Variants in LINC00632 observed in about 807,000 individuals in gnomAD.
LINC00632 encodes the protein long independently transcribed non-coding RNA 632.
chrX:140,710,144 G>C (rs1930484861), intron 1 of LINC00632, among the ~76,000 whole-genome samples: 1 of 112,298 alleles, frequency 8.9e-6, no homozygotes, highest in Admixed American at 9.5e-5. Flanking sequence ...ATTTGTATTT[G>C]ACGTGATGAA....
chrX:140,751,567 T>A (rs1486835621), intron 3 of LINC00632, among the ~76,000 whole-genome samples: 3 of 111,517 alleles, frequency 2.7e-5, no homozygotes, highest in Non-Finnish European at 5.6e-5. Flanking sequence ...CATGGCTGGA[T>A]CAACAATCTG....
exon 5 of LINC00632, among the ~76,000 whole-genome samples, chrX:140,779,236 T>C (rs1210840900): frequency 9.2e-6 from 1 of 108,437 alleles, no homozygotes; most frequent in Non-Finnish European, 1.9e-5. Context: ...ATAGACATGT[T>C]TAACCACTGT....
At chrX:140,768,970 AGAAAG>A (rs140048691) in intron 3 of LINC00632, among the ~76,000 whole-genome samples, 1,866 of 108,494 alleles carry the variant, frequency 0.017, 21 homozygotes, top group Admixed American at 0.044. Context: ...TTCCATAGAT[AGAAAG>A]GAAAGAGGGA....
chrX:140,753,347 T>C (rs895543931), intron 3 of LINC00632, among the ~76,000 whole-genome samples: 1 of 112,168 alleles, frequency 8.9e-6, no homozygotes, highest in African/African-American at 3.2e-5. Context: ...ACTTTCAGCT[T>C]TGAGTGTTTG....
At chrX:140,722,621 A>G (rs2148379110) in intron 2 of LINC00632, among the ~76,000 whole-genome samples, 1 of 110,949 alleles carries the variant, frequency 9.0e-6, no homozygotes, top group East Asian at 2.8e-4. Context: ...ACCCCATGAA[A>G]CCCATGATAG....
At chrX:140,775,521 G>A (rs995335406) in exon 5 of LINC00632, among the ~76,000 whole-genome samples, 1 of 111,954 alleles carries the variant, frequency 8.9e-6, no homozygotes, top group African/African-American at 3.3e-5. Flanking sequence ...AGTTATTCTG[G>A]GGAATAGAGA....
exon 4 of LINC00632, chrX:140,772,359 G>A (rs1931813133): frequency 3.4e-6 from 1 of 293,743 alleles, no homozygotes; most frequent in South Asian, 2.1e-4. Context: ...ACAAAAACTG[G>A]TTAGCCTTTT....
chrX:140,776,819 C>G (rs1219666779), exon 5 of LINC00632, among the ~76,000 whole-genome samples: 2 of 111,269 alleles, frequency 1.8e-5, no homozygotes, highest in African/African-American at 6.5e-5. Flanking sequence ...ATAGATTATT[C>G]TATTATAAAG....
chrX:140,771,192 T>C (rs1171724167), intron 3 of LINC00632, among the ~76,000 whole-genome samples: 1 of 110,951 alleles, frequency 9.0e-6, no homozygotes, highest in African/African-American at 3.3e-5. Flanking sequence ...ATTTGTATTA[T>C]CTTATTGGGG....
At chrX:140,791,077 T>C (rs1485400800) in exon 5 of LINC00632, among the ~76,000 whole-genome samples, 1 of 111,731 alleles carries the variant, frequency 9.0e-6, no homozygotes, top group Non-Finnish European at 1.9e-5. Flanking sequence ...CAACCTTCTG[T>C]TTTTGGCTCT....
At chrX:140,770,847 T>C (rs768853966) in intron 3 of LINC00632, among the ~76,000 whole-genome samples, 6 of 112,285 alleles carry the variant, frequency 5.3e-5, no homozygotes, top group South Asian at 3.7e-4. Flanking sequence ...AGTCGTAGTA[T>C]GGATTGGTAG....
chrX:140,744,665 G>A (rs1197200677), intron 3 of LINC00632, among the ~76,000 whole-genome samples: 1 of 107,711 alleles, frequency 9.3e-6, no homozygotes, highest in East Asian at 3.0e-4. Context: ...TGCCTCCCAG[G>A]TGCAAGCGAT....
chrX:140,788,939 T>C (rs1043036949), exon 5 of LINC00632, among the ~76,000 whole-genome samples: 1 of 103,915 alleles, frequency 9.6e-6, no homozygotes, highest in Non-Finnish European at 2.0e-5. Flanking sequence ...GTGTGTTTTA[T>C]AGGGTGGGCT....
rs1556027073 is a variant in LINC00632 at position 140,762,242 on chromosome X, A to AGC, written n.192-9835_192-9834dup. Among the ~76,000 whole-genome samples the AGC allele has an allele frequency of 2.6e-4, 26 of 99,818 alleles. 1 individual carries two copies. The Admixed American group carries it at 2.7e-3, about 10-fold the overall frequency. The allele number at this position is 99,818 out of a possible 115,157, so 86.7% of individuals were successfully genotyped here. A position where few individuals can be genotyped will look rare whatever the true frequency, so the allele number is the denominator to read the frequency against. The stretch of plus-strand genomic sequence containing the variant: ...GAGAGAGAGAGAGAGAGAGAGAGAG[A>AGC]GCACTCTTATCTTTCCCCACTAGAT... On this transcript the variant is annotated intron_variant and non_coding_transcript_variant, in intron 3 of 4. Transcript: ENST00000648200.
intron 2 of LINC00632, among the ~76,000 whole-genome samples, chrX:140,728,255 AG>A (rs1450094223): frequency 2.9e-5 from 3 of 102,610 alleles, no homozygotes; most frequent in African/African-American, 7.1e-5. Context: ...AAAAAAAAAA[AG>A]AAAGAAAGAA....
At chrX:140,771,677 A>ATTTTT (rs762752921) in intron 3 of LINC00632, among the ~76,000 whole-genome samples, 1 of 56,296 alleles carries the variant, frequency 1.8e-5, no homozygotes, top group African/African-American at 9.4e-5. Flanking sequence ...ATATATATAT[A>ATTTTT]TATATATATT....
intron 2 of LINC00632, among the ~76,000 whole-genome samples, chrX:140,728,388 A>G (rs1273251530): frequency 9.0e-6 from 1 of 111,367 alleles, no homozygotes; most frequent in African/African-American, 3.3e-5. Context: ...ATTCTGATGC[A>G]CAGATTTACC....
chrX:140,716,780 TACACACAC>T (rs200811174), intron 2 of LINC00632, among the ~76,000 whole-genome samples: 23 of 89,824 alleles, frequency 2.6e-4, no homozygotes, highest in African/African-American at 4.0e-4. Flanking sequence ...GCCCACAACA[TACACACAC>T]ACACACACAC....
At chrX:140,790,257 T>C (rs1932087816) in exon 5 of LINC00632, among the ~76,000 whole-genome samples, 1 of 111,088 alleles carries the variant, frequency 9.0e-6, no homozygotes, top group African/African-American at 3.3e-5. Flanking sequence ...GTTTCTATGG[T>C]ACAAAGTAGG....
Sources: gnomAD v4.1 joint callset for allele counts (sites outside exome capture counted in the v4.1 genomes callset) on GRCh38, gnomAD v4.1.1 for gene constraint, MANE v1.5 for transcripts, NCBI Gene and HGNC (gene_info 2026-07-23, HGNC 2026-07-21) for gene names.